Variants in HORMAD2 observed in about 807,000 individuals in gnomAD.
HORMAD2 encodes HORMA domain containing 2.
In HORMAD2, 45 loss-of-function variants were observed where a neutral mutation model predicts 38.8. That is an observed-to-expected ratio of 1.16 (90% confidence interval 0.91 to 1.49). HORMAD2 has a LOEUF of 1.49. Ranked by LOEUF, HORMAD2 falls within the 40% of genes most tolerant of loss-of-function variation. HORMAD2 has a pLI of 0.00. For synonymous variants in HORMAD2, 126 were observed against 122.8 expected (o/e 1.03, Z -0.17); for missense variants, 338 against 367.0 (o/e 0.92, Z 0.65).
At chr22:30,157,794 C>G (rs1274802286) in intron 10 of HORMAD2, among the ~76,000 whole-genome samples, 1 of 152,094 alleles carries the variant, frequency 6.6e-6, no homozygotes, top group Admixed American at 6.6e-5. Context: ...ACTCAGAGAT[C>G]CCTTATACTT....
rs1222997354 is a variant in HORMAD2, at chr22:30,177,016, G to A, written c.*849G>A. 2.6e-5 allele frequency: 4 copies of A among 152,574 alleles called. No homozygotes were observed. Among genetic ancestry groups the A allele is most frequent in the Non-Finnish European group, 5.9e-5 (4 of 68,012 alleles). 9.5% of individuals were successfully genotyped at this position (152,574 alleles called of 1,614,324 possible). ...TTTAGTAATTTAATTTAAATGGATA[G>A]GACCAATAAGTTAAATATTAAGTGT... On this transcript the variant is annotated 3_prime_UTR_variant, in exon 11 of 11. Coordinates refer to ENST00000336726, the MANE Select transcript of HORMAD2 (RefSeq NM_152510.4).
In HORMAD2 at chr22:30,088,418, T is replaced by A. The variant is rs527448539; in HGVS notation, c.-37-5498T>A. Among the ~76,000 whole-genome samples, 5 of 151,650 alleles carry A rather than the reference T, an allele frequency of 3.3e-5. No individual in the cohort carries two copies. The South Asian group carries it at 1.0e-3, about 31-fold the overall frequency. Reference sequence around the variant, plus strand: ...CTTTCTCAATAGCAAGTGTCCTGAATGCCTCAGAGTTTTCAATGGTAATAT... The same window carrying A: ...CTTTCTCAATAGCAAGTGTCCTGAAAGCCTCAGAGTTTTCAATGGTAATAT... On this transcript the variant is annotated intron_variant, in intron 1 of 10. Transcript: ENST00000336726.
chr22:30,095,532 G>C (rs1167132629), intron 2 of HORMAD2, among the ~76,000 whole-genome samples: 1 of 152,162 alleles, frequency 6.6e-6, no homozygotes, highest in African/African-American at 2.4e-5. Flanking sequence ...CGCCTTCAAA[G>C]ATTATATTAA....
chr22:30,204,072 C>T, the HORMAD2 span, among the ~76,000 whole-genome samples: 1 of 152,172 alleles, frequency 6.6e-6, no homozygotes, highest in Non-Finnish European at 1.5e-5. Flanking sequence ...CTCTCATACA[C>T]AAAGCCCTTT....
intron 3 of HORMAD2, among the ~76,000 whole-genome samples, chr22:30,100,583 A>T (rs960442494): frequency 6.6e-6 from 1 of 152,184 alleles, no homozygotes; most frequent in African/African-American, 2.4e-5. Context: ...AAATAGACAA[A>T]TGGGAACTAA....
chr22:30,144,633 G>A (rs1413226975), intron 10 of HORMAD2, among the ~76,000 whole-genome samples: 1 of 152,026 alleles, frequency 6.6e-6, no homozygotes, highest in Non-Finnish European at 1.5e-5. Context: ...CGAGTGGAGG[G>A]GGGACAGTAG....
intron 10 of HORMAD2, among the ~76,000 whole-genome samples, chr22:30,139,284 A>ATATATATATATC (rs1555950247): frequency 1.5e-5 from 2 of 137,630 alleles, no homozygotes; most frequent in African/African-American, 5.2e-5. Flanking sequence ...ATATATATAT[A>ATATATATATATC]TATCCTCTGT....
chr22:30,193,853 T>G, the HORMAD2 span, among the ~76,000 whole-genome samples: 2 of 152,176 alleles, frequency 1.3e-5, no homozygotes, highest in Admixed American at 1.3e-4. Context: ...AGATCTTCTG[T>G]GACAGCTGGG....
At chr22:30,093,290 A>T (rs2068724376) in intron 1 of HORMAD2, among the ~76,000 whole-genome samples, 1 of 152,082 alleles carries the variant, frequency 6.6e-6, no homozygotes, top group African/African-American at 2.4e-5. Context: ...AGCTAGTTGA[A>T]TGAATAACTA....
chr22:30,200,457 A>C, the HORMAD2 span, among the ~76,000 whole-genome samples: 1 of 152,134 alleles, frequency 6.6e-6, no homozygotes, highest in African/African-American at 2.4e-5. Context: ...GCTACTGTGA[A>C]TAGGATATTG....
chr22:30,194,672 A>G, the HORMAD2 span, among the ~76,000 whole-genome samples: 1 of 152,186 alleles, frequency 6.6e-6, no homozygotes, highest in South Asian at 2.1e-4. Flanking sequence ...AAGAGGTGAT[A>G]TATAATGCAG....
intron 1 of HORMAD2, among the ~76,000 whole-genome samples, chr22:30,091,793 A>G (rs1280321354): frequency 2.6e-5 from 4 of 152,190 alleles, no homozygotes; most frequent in Non-Finnish European, 5.9e-5. Flanking sequence ...GTACTAATTT[A>G]CATTCTTACC....
the HORMAD2 span, among the ~76,000 whole-genome samples, chr22:30,187,016 C>T: frequency 6.6e-6 from 1 of 152,126 alleles, no homozygotes; most frequent in East Asian, 1.9e-4. Context: ...ACTCTAACTA[C>T]GTTAGTTGAG....
rs1921680013 is a variant in HORMAD2 at position 30,111,791 on chromosome 22, T to TGAA, written c.295-3_295-1dup. Reference sequence around the variant, plus strand: ...AATAATAGTTTTTTTTTCTTTCTCTTGAAGCTACGTATGGCAGTACTGACA... The same window carrying TGAA: ...AATAATAGTTTTTTTTTCTTTCTCTTGAAGAAGCTACGTATGGCAGTACTGACA... On this transcript the variant is annotated splice_polypyrimidine_tract_variant and splice_region_variant and intron_variant, in intron 5 of 10. Coordinates refer to ENST00000336726, the MANE Select transcript of HORMAD2 (RefSeq NM_152510.4). 4 of 1,556,924 alleles carry TGAA rather than the reference T, an allele frequency of 2.6e-6. No individual in the cohort carries two copies. In the African/African-American group the frequency reaches 5.5e-5, roughly 21 times the overall value.
chr22:30,145,479 T>C (rs1396817661), intron 10 of HORMAD2, among the ~76,000 whole-genome samples: 1 of 152,006 alleles, frequency 6.6e-6, no homozygotes, highest in Non-Finnish European at 1.5e-5. Context: ...ATCAATATAA[T>C]GAAGAGAAAA....
chr22:30,150,875 T>G (rs1015156498), intron 10 of HORMAD2, among the ~76,000 whole-genome samples: 1 of 152,208 alleles, frequency 6.6e-6, no homozygotes, highest in African/African-American at 2.4e-5. Flanking sequence ...ATCCAAAGAC[T>G]TTCTATTACC....
the HORMAD2 span, among the ~76,000 whole-genome samples, chr22:30,188,931 T>C: frequency 6.6e-6 from 1 of 151,820 alleles, no homozygotes; most frequent in African/African-American, 2.4e-5. Flanking sequence ...AGCCTAGAAG[T>C]TCAAGACCAG....
intron 10 of HORMAD2, among the ~76,000 whole-genome samples, chr22:30,141,854 C>T (rs1924098682): frequency 6.6e-6 from 1 of 152,154 alleles, no homozygotes; most frequent in African/African-American, 2.4e-5. Context: ...CTTGGACTCC[C>T]AAAGTGCTGA....
rs975704 is a variant in HORMAD2 at position 30,176,747 on chromosome 22, G to A, written c.*580G>A. 9,025 of 152,828 alleles carry A rather than the reference G, an allele frequency of 0.059. 488 individuals carry two copies. The highest frequency in any genetic ancestry group is 0.23 in the South Asian group (1,089 of 4,830). 9.5% of individuals were successfully genotyped at this position (152,828 alleles called of 1,614,324 possible). A position where few individuals can be genotyped will look rare whatever the true frequency, so the allele number is the denominator to read the frequency against. On this transcript the variant is annotated 3_prime_UTR_variant, in exon 11 of 11. Coordinates refer to ENST00000336726, the MANE Select transcript of HORMAD2 (RefSeq NM_152510.4). ...CAGGCCCTGTTCTGTTATCCAATCC[G>A]AAACACGGAACATGCTGCAATTCAG...
Sources: gnomAD v4.1 joint callset for allele counts (sites outside exome capture counted in the v4.1 genomes callset) on GRCh38, gnomAD v4.1.1 for gene constraint, MANE v1.5 for transcripts, NCBI Gene and HGNC (gene_info 2026-07-23, HGNC 2026-07-21) for gene names.